SLC19A3: variants seen among roughly 807,000 people sequenced by gnomAD.
SLC19A3 encodes thiamine transporter 2.
Under a neutral mutation model 40.2 loss-of-function variants are expected in SLC19A3, and 31 were observed. The ratio of observed to expected loss-of-function variants is 0.77; its 90% CI spans 0.58 to 1.04. The LOEUF (loss-of-function observed/expected upper bound fraction) is 1.04, where lower values mean the gene tolerates loss of function less well. Ranked by LOEUF, SLC19A3 falls within the 50% of genes least tolerant of loss-of-function variation. SLC19A3 has a pLI of 0.00. For missense variants in SLC19A3, 592 were observed against 596.7 expected (o/e 0.99, Z 0.08); for synonymous variants, 212 against 227.5 (o/e 0.93, Z 0.61).
chr2:227,707,419 T>G (rs1695986825), intron 1 of SLC19A3, among the ~76,000 whole-genome samples: 1 of 151,938 alleles, frequency 6.6e-6, no homozygotes, highest in Non-Finnish European at 1.5e-5. Context: ...ACCCTGTCTC[T>G]ACAAAAATAC....
chr2:227,700,816 G>A (rs1449960795), intron 2 of SLC19A3: 7 of 729,674 alleles, frequency 9.6e-6, no homozygotes, highest in Non-Finnish European at 1.4e-5. Context: ...AGTCAGAAAT[G>A]CATGGGATCT....
At chr2:227,692,253 A>G (rs997357482) in intron 4 of SLC19A3, among the ~76,000 whole-genome samples, 1 of 152,230 alleles carries the variant, frequency 6.6e-6, no homozygotes, top group Non-Finnish European at 1.5e-5. Context: ...CATTAAAAAC[A>G]AAAAACAACT....
chr2:227,694,312 TA>T (rs1457948322), intron 4 of SLC19A3, among the ~76,000 whole-genome samples: 1 of 152,158 alleles, frequency 6.6e-6, no homozygotes, highest in African/African-American at 2.4e-5. Context: ...CAGCCGTGAA[TA>T]TTTTTTTTTA....
rs1193993220 is a variant in SLC19A3 at position 227,702,214 on chromosome 2, A to G, written c.105T>C (p.Leu35=). 1 of 1,613,874 alleles carries G rather than the reference A, an allele frequency of 6.2e-7. No individual in the cohort carries two copies. The highest frequency in any genetic ancestry group is 1.7e-5 in the Admixed American group (1 of 60,016). The change falls in exon 2 of 6, where the codon CTT becomes CTC. Residue 35 remains leucine (L), a synonymous_variant. Transcript: ENST00000644224. ...TATCTGGTCCAGATAAATATGGGATAAGGAATGGTTCTGAGGGTCTCATCA... is the reference window on the plus strand; with the variant it reads ...TATCTGGTCCAGATAAATATGGGATGAGGAATGGTTCTGAGGGTCTCATCA... ...FSMMRPSEPF[L]IPYLSGPDKN...
At chr2:227,706,718 T>G (rs570658788) in intron 1 of SLC19A3, 13 of 160,132 alleles carry the variant, frequency 8.1e-5, no homozygotes, top group African/African-American at 3.1e-4. Flanking sequence ...TTGCAGTGAG[T>G]GGAGATCATG....
intron 1 of SLC19A3, among the ~76,000 whole-genome samples, chr2:227,712,008 C>T (rs1448210099): frequency 3.2e-5 from 4 of 123,090 alleles, no homozygotes; most frequent in Non-Finnish European, 6.4e-5. Flanking sequence ...CGAGATCCCG[C>T]TATTGCACTC....
intron 4 of SLC19A3, among the ~76,000 whole-genome samples, chr2:227,694,438 C>T (rs78550805): frequency 0.041 from 6,240 of 152,176 alleles, 335 homozygotes; most frequent in African/African-American, 0.12. Flanking sequence ...AATAAACATA[C>T]CAACTAATTG....
Position 227,703,458 on chromosome 2 carries a change from A to G in SLC19A3, c.-2-1138T>C, listed in dbSNP as rs530606598. 6.6e-6 allele frequency among the ~76,000 whole-genome samples: 1 copy of G among 152,272 alleles called. No homozygotes were observed. Among genetic ancestry groups the G allele is most frequent in the South Asian group, 2.1e-4 (1 of 4,816 alleles). ...ATTCCTCTCTTAAGTTCAATAGGGT[A>G]AACACTGTTTATGTCAACAAAGCCC... On this transcript the variant is annotated intron_variant, in intron 1 of 5. Transcript: ENST00000644224. The surrounding 1 kb of genome is among the most constrained non-coding windows in gnomAD (Gnocchi z 4.7).
At chr2:227,702,054 G>T (rs1230340217) in intron 2 of SLC19A3, 115 bp downstream of exon 2, 2 of 845,832 alleles carry the variant, frequency 2.4e-6, no homozygotes, top group South Asian at 3.0e-5. Context: ...TGAAAATCAG[G>T]CTCACTGAGT....
chr2:227,688,042 A>G (rs538609368), intron 5 of SLC19A3, 124 bp downstream of exon 5: 1 of 1,045,306 alleles, frequency 9.6e-7, no homozygotes, highest in Non-Finnish European at 1.5e-6. Context: ...ATAATATGAT[A>G]ATGAAGGAAT....
Position 227,700,152 on chromosome 2 carries a change from T to C in SLC19A3, c.151-588A>G, listed in dbSNP as rs143283033. ...TCGGCCTCCCAAAGTGCTGGGATTA[T>C]AGGCGTGAGCCACCGTGCCCGGCCC... On this transcript the variant is annotated intron_variant, in intron 2 of 5. Transcript: ENST00000644224. Among the ~76,000 whole-genome samples the C allele has an allele frequency of 2.3e-3, 346 of 152,054 alleles. 1 individual carries two copies. Among genetic ancestry groups the C allele is most frequent in the African/African-American group, 7.9e-3 (330 of 41,520 alleles).
At position 227,703,919 on chromosome 2, in the gene SLC19A3, C is replaced by CTATT. The variant is rs1695819055; in HGVS notation, c.-2-1600_-2-1599insAATA. Among the ~76,000 whole-genome samples the CTATT allele has an allele frequency of 6.6e-6, 1 of 152,022 alleles. No individual in the cohort carries two copies. Among genetic ancestry groups the CTATT allele is most frequent in the African/African-American group, 2.4e-5 (1 of 41,400 alleles). On this transcript the variant is annotated intron_variant, in intron 1 of 5. Coordinates refer to ENST00000644224, the MANE Select transcript of SLC19A3 (RefSeq NM_025243.4). This position sits in a 1 kb window ranked among gnomAD's most constrained non-coding sequence, Gnocchi z 4.7. ...GCTAAAAGCCTGCTGGATTATCTAT[C>CTATT]TTTTTATTTCTTTAGGTTTCTAATA...
chr2:227,710,222 C>T (rs1471233101), intron 1 of SLC19A3, among the ~76,000 whole-genome samples: 1 of 152,186 alleles, frequency 6.6e-6, no homozygotes, highest in Non-Finnish European at 1.5e-5. Context: ...TTCCTGCCCA[C>T]TCCTTTCTAC....
chr2:227,693,344 G>C (rs1362540831), intron 4 of SLC19A3, among the ~76,000 whole-genome samples: 1 of 152,144 alleles, frequency 6.6e-6, no homozygotes, highest in Non-Finnish European at 1.5e-5. Context: ...TAGAGCTATA[G>C]TAACCAAAAC....
At chr2:227,704,944 GAT>G (rs1695869684) in intron 1 of SLC19A3, among the ~76,000 whole-genome samples, 1 of 151,614 alleles carries the variant, frequency 6.6e-6, no homozygotes, top group Non-Finnish European at 1.5e-5. Context: ...GCAGTGGCAC[GAT>G]TTCAGCTCAC....
At chr2:227,713,861 C>T (rs142835403) in intron 1 of SLC19A3, among the ~76,000 whole-genome samples, 6 of 151,944 alleles carry the variant, frequency 3.9e-5, no homozygotes, top group Admixed American at 2.0e-4. Flanking sequence ...AAACATTATC[C>T]TGTGTACAAG....
rs60946199 is a variant in SLC19A3 at position 227,684,980 on chromosome 2, C to CAAAAAAAAAAA, written c.*2406_*2416dup. The CAAAAAAAAAAA allele has an allele frequency of 2.1e-4, 13 of 62,372 alleles. No individual in the cohort carries two copies. Among genetic ancestry groups the CAAAAAAAAAAA allele is most frequent in the East Asian group, 7.3e-4 (1 of 1,370 alleles). 3.9% of individuals were successfully genotyped at this position (62,372 alleles called of 1,614,324 possible). On this transcript the variant is annotated 3_prime_UTR_variant, in exon 6 of 6. Coordinates refer to ENST00000644224, the MANE Select transcript of SLC19A3 (RefSeq NM_025243.4). ...CCTGGGTGACAGAGCAAGATTCTAT[C>CAAAAAAAAAAA]AAAAAAAAAAAAAAAAAAAAAAAAA...
In SLC19A3 at chr2:227,699,505, C is replaced by T. The variant is rs1695590101; in HGVS notation, c.210G>A (p.Val70=). 1.2e-6 allele frequency: 2 copies of T among 1,614,022 alleles called. No individual in the cohort carries two copies. Among genetic ancestry groups the T allele is most frequent in the Non-Finnish European group, 1.7e-6 (2 of 1,180,042 alleles). ...AGCGGACATAATCGGTGAGGACAAA[C>T]ACAGGCAGCAGCAGCACCAGGTAGG... The part of the protein sequence containing the change: ...TYSYLVLLLP[V]FVLTDYVRYK... Residue 70 remains valine, a synonymous_variant, in exon 3 of 6, where the codon GTG becomes GTA. Transcript: ENST00000644224.
chr2:227,696,813 C>A (rs980536198), intron 3 of SLC19A3, among the ~76,000 whole-genome samples: 2 of 152,140 alleles, frequency 1.3e-5, no homozygotes, highest in Non-Finnish European at 2.9e-5. Flanking sequence ...CTCCTGTAAT[C>A]CCAGCACTTT....
Sources: gnomAD v4.1 joint callset for allele counts (sites outside exome capture counted in the v4.1 genomes callset) on GRCh38, gnomAD v4.1.1 for gene constraint, Gnocchi (gnomAD v3.1) non-coding constraint, MANE v1.5 for transcripts, NCBI Gene and HGNC (gene_info 2026-07-23, HGNC 2026-07-21) for gene names.